DCLK3: variants seen among roughly 807,000 people sequenced by gnomAD.
DCLK3 encodes serine/threonine-protein kinase DCLK3.
A neutral mutation model predicts 46.4 loss-of-function variants in DCLK3; 30 were observed. The ratio of observed to expected loss-of-function variants is 0.65; its 90% CI spans 0.48 to 0.88. DCLK3 has a LOEUF of 0.88. DCLK3 is among the 40% of genes least tolerant of loss of function. DCLK3 has a pLI of 0.00. For missense variants in DCLK3, 846 were observed against 907.1 expected (o/e 0.93, Z 0.87); for synonymous variants, 401 against 339.2 (o/e 1.18, Z -2.00).
At chr3:36,733,996 T>C (rs182051764) in intron 2 of DCLK3, among the ~76,000 whole-genome samples, 1 of 152,226 alleles carries the variant, frequency 6.6e-6, no homozygotes, top group Admixed American at 6.5e-5. Context: ...AGACAGGTCT[T>C]AATGGACACA....
chr3:36,764,127 GC>G lies in DCLK3; in HGVS notation c.82+54del. ...AGAGTTAGGGCGAATGAGTCCTCCC[GC>G]CCCCGCCAAGGTGGCGCCCAGAACG... is the stretch of plus-strand genomic sequence containing the variant. On this transcript the variant is annotated intron_variant, in intron 1 of 4. Transcript: ENST00000636136. The surrounding 1 kb of genome is among the most constrained non-coding windows in gnomAD (Gnocchi z 4.9). 3.0e-6 allele frequency: 1 copy of G among 328,150 alleles called. No individual in the cohort carries two copies. The highest frequency in any genetic ancestry group is 5.6e-6 in the Non-Finnish European group (1 of 179,884). The allele number at this position is 328,150 out of a possible 1,614,324, so 20.3% of individuals were successfully genotyped here. A position where few individuals can be genotyped will look rare whatever the true frequency, so the allele number is the denominator to read the frequency against.
Position 36,737,903 on chromosome 3 carries a change from T to C in DCLK3, c.1264A>G (p.Thr422Ala). 6.2e-7 allele frequency: 1 copy of C among 1,614,070 alleles called. No homozygotes were observed. The highest frequency in any genetic ancestry group is 8.5e-7 in the Non-Finnish European group (1 of 1,180,034). The change falls in exon 2 of 5, where the codon ACA becomes GCA. Residue 422 changes from threonine to alanine, a missense_variant. Coordinates refer to ENST00000636136, the MANE Select transcript of DCLK3 (RefSeq NM_001394672.2). The surrounding 1 kb of genome is among the most constrained non-coding windows in gnomAD (Gnocchi z 4.4). ...TTCACCTCCCTCAGCCCCTCCTCTG[T>C]GACAGGAAGAACTTCCACAAGGTCC... is the stretch of plus-strand genomic sequence containing the variant. The part of the protein sequence containing the change: ...KKDLVEVLPV[T>A]EEGLREVKKD...
At chr3:36,733,624 G>A (rs1015674451) in intron 2 of DCLK3, among the ~76,000 whole-genome samples, 1 of 152,150 alleles carries the variant, frequency 6.6e-6, no homozygotes, top group African/African-American at 2.4e-5. Context: ...ACTCCTCCAA[G>A]GAGCACACAC....
intron 2 of DCLK3, among the ~76,000 whole-genome samples, chr3:36,728,335 C>G (rs1335179853): frequency 1.3e-5 from 2 of 152,008 alleles, no homozygotes; most frequent in Non-Finnish European, 2.9e-5. Flanking sequence ...TTAAGGAATA[C>G]CTAGTACTGA....
At chr3:36,722,454 T>C (rs1701073292) in intron 2 of DCLK3, among the ~76,000 whole-genome samples, 1 of 152,198 alleles carries the variant, frequency 6.6e-6, no homozygotes, top group Admixed American at 6.5e-5. Context: ...GATTATGCAT[T>C]GCATGCCTGT....
At chr3:36,715,911 G>A (rs945602396) in intron 4 of DCLK3, among the ~76,000 whole-genome samples, 5 of 152,096 alleles carry the variant, frequency 3.3e-5, no homozygotes, top group Non-Finnish European at 7.4e-5. Flanking sequence ...AACATCCCTG[G>A]CACTCAGGGC....
At chr3:36,730,259 T>A (rs1158440623) in intron 2 of DCLK3, among the ~76,000 whole-genome samples, 1 of 150,954 alleles carries the variant, frequency 6.6e-6, no homozygotes, top group East Asian at 1.9e-4. Flanking sequence ...TACAAAAGTA[T>A]GACTGAAAAA....
intron 1 of DCLK3, among the ~76,000 whole-genome samples, chr3:36,744,342 A>C (rs1452710405): frequency 2.6e-5 from 4 of 152,274 alleles, no homozygotes; most frequent in Admixed American, 2.0e-4. Flanking sequence ...AGGTGAAAAG[A>C]AAATATAATC....
chr3:36,756,770 G>C (rs763331735), intron 1 of DCLK3, among the ~76,000 whole-genome samples: 1 of 152,060 alleles, frequency 6.6e-6, no homozygotes, highest in South Asian at 2.1e-4. Context: ...GCTGTTAGGG[G>C]AAATGCCCTG....
In DCLK3 at chr3:36,721,471, T is replaced by C. The variant is rs1402769351; in HGVS notation, c.2092+56A>G. 6.9e-6 allele frequency: 11 copies of C among 1,585,524 alleles called. No homozygotes were observed. In the East Asian group the frequency reaches 2.0e-4, roughly 29 times the overall value. Reference sequence around the variant, plus strand: ...ATTGAAAACTAGTAAATATGACAAATGAAACATTTGTTAGTAAGGGAACTA... The same window carrying C: ...ATTGAAAACTAGTAAATATGACAAACGAAACATTTGTTAGTAAGGGAACTA... On this transcript the variant is annotated intron_variant, in intron 3 of 4. Coordinates refer to ENST00000636136, the MANE Select transcript of DCLK3 (RefSeq NM_001394672.2).
intron 1 of DCLK3, among the ~76,000 whole-genome samples, chr3:36,742,897 A>G (rs947647968): frequency 7.2e-5 from 11 of 152,156 alleles, no homozygotes; most frequent in African/African-American, 2.7e-4. Context: ...CTGCACACAG[A>G]GTACTTTCAG....
intron 1 of DCLK3, among the ~76,000 whole-genome samples, chr3:36,753,942 A>G (rs1232192455): frequency 1.3e-5 from 2 of 152,116 alleles, no homozygotes; most frequent in Non-Finnish European, 2.9e-5. Flanking sequence ...GGCCTCCCAA[A>G]TTGCTGGGAT....
At chr3:36,734,127 A>G (rs1488616301) in intron 2 of DCLK3, among the ~76,000 whole-genome samples, 1 of 152,254 alleles carries the variant, frequency 6.6e-6, no homozygotes, top group Non-Finnish European at 1.5e-5. Flanking sequence ...CACCAATGTG[A>G]TATTTATGAA....
chr3:36,755,581 T>G (rs1283965065), intron 1 of DCLK3, among the ~76,000 whole-genome samples: 1 of 152,062 alleles, frequency 6.6e-6, no homozygotes, highest in African/African-American at 2.4e-5. Context: ...GAAACATAAA[T>G]TTTACTTTAA....
intron 2 of DCLK3, among the ~76,000 whole-genome samples, chr3:36,735,338 C>T (rs1701247847): frequency 6.6e-6 from 1 of 152,166 alleles, no homozygotes. Flanking sequence ...CCAGCTAATG[C>T]AAAAAATGAA....
At chr3:36,753,549 C>G (rs1197166711) in intron 1 of DCLK3, among the ~76,000 whole-genome samples, 1 of 152,192 alleles carries the variant, frequency 6.6e-6, no homozygotes, top group Non-Finnish European at 1.5e-5. Context: ...AACCAAGAAG[C>G]CTCTGCCGTT....
chr3:36,734,656 G>T (rs1424320805), intron 2 of DCLK3, among the ~76,000 whole-genome samples: 1 of 151,990 alleles, frequency 6.6e-6, no homozygotes, highest in Non-Finnish European at 1.5e-5. Flanking sequence ...AAAAGCTCAT[G>T]CATTTAGGCT....
At chr3:36,725,131 G>A (rs934752925) in intron 2 of DCLK3, among the ~76,000 whole-genome samples, 8 of 151,872 alleles carry the variant, frequency 5.3e-5, no homozygotes, top group African/African-American at 1.9e-4. Flanking sequence ...TGGCTAACAC[G>A]GTGAAACCCA....
At chr3:36,725,327 G>T (rs933728958) in intron 2 of DCLK3, among the ~76,000 whole-genome samples, 4 of 149,868 alleles carry the variant, frequency 2.7e-5, no homozygotes, top group African/African-American at 9.8e-5. Flanking sequence ...AAAAAAAAAC[G>T]GGGGGTGGGG....
Sources: allele counts gnomAD v4.1 joint callset (sites outside exome capture counted in the v4.1 genomes callset), GRCh38; gene constraint gnomAD v4.1.1; non-coding constraint Gnocchi (gnomAD v3.1); transcripts MANE v1.5; gene names NCBI Gene and HGNC (gene_info 2026-07-23, HGNC 2026-07-21).